MTA3: variants seen among roughly 807,000 people sequenced by gnomAD.
MTA3 encodes the protein metastasis-associated protein MTA3.
In MTA3, 34 loss-of-function variants were observed where a neutral mutation model predicts 83.5. That is an observed-to-expected ratio of 0.41 (90% CI 0.31 to 0.54). The LOEUF is 0.54. Ranked by LOEUF, MTA3 falls within the 20% of genes least tolerant of loss-of-function variation. MTA3 has a pLI of 0.33. For missense variants in MTA3, 761 were observed against 726.4 expected (o/e 1.05, Z -0.55); for synonymous variants, 303 against 252.7 (o/e 1.20, Z -1.89).
chr2:42,731,936 G>C (rs1573793001), intron 16 of MTA3, among the ~76,000 whole-genome samples: 2 of 152,264 alleles, frequency 1.3e-5, no homozygotes, highest in East Asian at 3.9e-4. Flanking sequence ...AAACAAAGGG[G>C]TTATAGAGCC....
chr2:42,525,749 C>T (rs910451901), intron 2 of MTA3, among the ~76,000 whole-genome samples: 10 of 151,610 alleles, frequency 6.6e-5, no homozygotes, highest in South Asian at 2.1e-4. Flanking sequence ...CCTCTGCCTC[C>T]GAGGCTCAAA....
intron 14 of MTA3, among the ~76,000 whole-genome samples, chr2:42,718,325 G>T (rs1334691142): frequency 6.6e-6 from 1 of 151,788 alleles, no homozygotes; most frequent in South Asian, 2.1e-4. Context: ...TTGGCTCACC[G>T]CAATGTCCAC....
In MTA3 at chr2:42,585,841, G is replaced by C. The variant is rs555382202; in HGVS notation, c.190+6641G>C. ...CAGTTTTACCTACAAAGGAGGGTGA[G>C]ATAGGAGAATCACTTGAGTCCAGTA... is the stretch of plus-strand genomic sequence containing the variant. On this transcript the variant is annotated intron_variant, in intron 3 of 16. Coordinates refer to ENST00000405094, the MANE Select transcript of MTA3 (RefSeq NM_001330442.2). 6.6e-5 allele frequency among the ~76,000 whole-genome samples: 10 copies of C among 152,152 alleles called. 1 individual carries two copies. In the South Asian group the frequency reaches 2.1e-3, roughly 32 times the overall value.
intron 3 of MTA3, among the ~76,000 whole-genome samples, chr2:42,579,421 A>C (rs1009176377): frequency 5.9e-5 from 4 of 67,902 alleles, no homozygotes; most frequent in African/African-American, 2.3e-4. Context: ...ATATCTATAT[A>C]TATATATATT....
chr2:42,643,425 A>G (rs1687884731), intron 5 of MTA3, among the ~76,000 whole-genome samples: 1 of 152,200 alleles, frequency 6.6e-6, no homozygotes, highest in South Asian at 2.1e-4. Context: ...CATTTTGTCC[A>G]TTAGGCTCAG....
intron 16 of MTA3, among the ~76,000 whole-genome samples, chr2:42,737,855 A>G (rs1668722792): frequency 6.6e-6 from 1 of 152,216 alleles, no homozygotes; most frequent in East Asian, 1.9e-4. Context: ...TATTGAATAC[A>G]GCATTTACAG....
intron 7 of MTA3, among the ~76,000 whole-genome samples, chr2:42,656,839 A>T (rs1359203468): frequency 6.6e-6 from 1 of 152,258 alleles, no homozygotes; most frequent in African/African-American, 2.4e-5. Context: ...GTAAAAGTAC[A>T]TCAGCAAGCA....
intron 2 of MTA3, among the ~76,000 whole-genome samples, chr2:42,559,676 C>T (rs533503561): frequency 6.7e-6 from 1 of 150,292 alleles, no homozygotes; most frequent in South Asian, 2.1e-4. Flanking sequence ...GTCGGGAGTT[C>T]GAGACCAGCC....
In MTA3 at chr2:42,568,790, C is replaced by T; in HGVS notation, c.28+17C>T. On this transcript the variant is annotated intron_variant, in intron 1 of 16. Coordinates refer to ENST00000405094, the MANE Select transcript of MTA3 (RefSeq NM_001330442.2). ...GGGTCGGAGGTAGGCAGGCTCGGCCCGACCCGGCCCGTGTGGGAGCGGGTT... is the reference window on the plus strand; with the variant it reads ...GGGTCGGAGGTAGGCAGGCTCGGCCTGACCCGGCCCGTGTGGGAGCGGGTT... 1 of 1,215,320 alleles carries T rather than the reference C, an allele frequency of 8.2e-7. No individual in the cohort carries two copies. The highest frequency in any genetic ancestry group is 1.6e-5 in the African/African-American group (1 of 63,714). The allele number at this position is 1,215,320 out of a possible 1,614,324, so 75.3% of individuals were successfully genotyped here.
intron 6 of MTA3, among the ~76,000 whole-genome samples, chr2:42,644,955 C>T (rs375379994): frequency 6.6e-6 from 1 of 151,914 alleles, no homozygotes; most frequent in Non-Finnish European, 1.5e-5. Flanking sequence ...CTGCAGTGGC[C>T]GGTAAGTGTT....
intron 15 of MTA3, among the ~76,000 whole-genome samples, chr2:42,720,183 T>TTTA (rs1667303506): frequency 1.2e-5 from 1 of 80,292 alleles, no homozygotes; most frequent in African/African-American, 5.7e-5. Context: ...TTATTTATTT[T>TTTA]ATTTATTTAT....
chr2:42,677,583 G>T (rs1421598887), intron 8 of MTA3, among the ~76,000 whole-genome samples: 2 of 151,952 alleles, frequency 1.3e-5, no homozygotes, highest in Non-Finnish European at 2.9e-5. Context: ...AGCTCAGGCA[G>T]TCCGCCTGCC....
chr2:42,513,758 G>C (rs1163815587), intron 2 of MTA3, among the ~76,000 whole-genome samples: 1 of 152,244 alleles, frequency 6.6e-6, no homozygotes, highest in Non-Finnish European at 1.5e-5. Context: ...AGAACTTAAA[G>C]GGACAGGGAA....
chr2:42,753,113 A>T (rs1455989508), intron 16 of MTA3, among the ~76,000 whole-genome samples: 1 of 151,986 alleles, frequency 6.6e-6, no homozygotes, highest in South Asian at 2.1e-4. Context: ...TTATTTTGGT[A>T]GAGACAGAGT....
intron 8 of MTA3, among the ~76,000 whole-genome samples, chr2:42,671,796 T>G (rs1340082026): frequency 2.6e-5 from 4 of 152,206 alleles, no homozygotes; most frequent in African/African-American, 7.2e-5. Context: ...GTCTTGAGAT[T>G]TCTGTTAGGG....
At chr2:42,584,074 C>T (rs1479416020) in intron 3 of MTA3, among the ~76,000 whole-genome samples, 1 of 151,606 alleles carries the variant, frequency 6.6e-6, no homozygotes, top group East Asian at 1.9e-4. Context: ...AACTCCCTAC[C>T]TCAGGTGATA....
intron 9 of MTA3, among the ~76,000 whole-genome samples, chr2:42,686,899 A>C (rs1330006698): frequency 6.6e-6 from 1 of 151,602 alleles, no homozygotes; most frequent in Non-Finnish European, 1.5e-5. Flanking sequence ...TGGGCAGATC[A>C]CTTGAGGCCA....
In MTA3 at chr2:42,754,836, C is replaced by T. The variant is rs60716446; in HGVS notation, c.*1437C>T. On this transcript the variant is annotated 3_prime_UTR_variant, in exon 17 of 17. Transcript: ENST00000405094. ...ATGATGCTGTAGATGTCTGTGTCCT[C>T]GGAGGCTGAGCTCCGCTTGGCAGAG... 1.1e-3 allele frequency: 1,043 copies of T among 985,514 alleles called. 14 individuals are homozygous for T. In the African/African-American group the frequency reaches 0.017, roughly 16 times the overall value. The allele number at this position is 985,514 out of a possible 1,614,324, so 61.0% of individuals were successfully genotyped here.
At chr2:42,669,468 G>A (rs937424256) in intron 8 of MTA3, among the ~76,000 whole-genome samples, 1 of 152,102 alleles carries the variant, frequency 6.6e-6, no homozygotes, top group Non-Finnish European at 1.5e-5. Context: ...AAAATTGATG[G>A]GGATTCGTAT....
Sources: gnomAD v4.1 joint callset for allele counts (sites outside exome capture counted in the v4.1 genomes callset) on GRCh38, gnomAD v4.1.1 for gene constraint, MANE v1.5 for transcripts, NCBI Gene and HGNC (gene_info 2026-07-23, HGNC 2026-07-21) for gene names.